The following THRB variants were observed in gnomAD, a reference collection of about 807,000 sequenced individuals.
THRB encodes the protein nuclear receptor subfamily 1 group A member 2.
In THRB, 12 loss-of-function variants were observed where a neutral mutation model predicts 47.8. That is an observed-to-expected ratio of 0.25 (90% CI 0.16 to 0.41). The LOEUF (loss-of-function observed/expected upper bound fraction) is 0.41. Among genes scored for constraint, THRB ranks in the 10% least tolerant of loss-of-function variants. The pLI is 1.00. For missense variants in THRB, 348 were observed against 589.2 expected, an observed-to-expected ratio of 0.59 and a Z score of 4.24; for synonymous variants, 218 against 212.2, an observed-to-expected ratio of 1.03 and a Z score of -0.24.
At chr3:24,364,898 T>G (rs566821276) in intron 1 of THRB, among the ~76,000 whole-genome samples, 1 of 152,286 alleles carries the variant, frequency 6.6e-6, no homozygotes, top group African/African-American at 2.4e-5. Flanking sequence ...TTACATAATT[T>G]TCAATAAGAT....
At chr3:24,313,275 T>G (rs548482884) in intron 2 of THRB, among the ~76,000 whole-genome samples, 8 of 152,308 alleles carry the variant, frequency 5.3e-5, no homozygotes, top group African/African-American at 1.9e-4. Context: ...CACTCATCTT[T>G]TCAGGAGTAT....
At chr3:24,484,728 T>C (rs1403925416) in intron 1 of THRB, among the ~76,000 whole-genome samples, 4 of 152,204 alleles carry the variant, frequency 2.6e-5, no homozygotes, top group Non-Finnish European at 5.9e-5. Flanking sequence ...TGTACTACAA[T>C]GGCAGACTTG....
At chr3:24,163,336 A>G (rs766445365) in intron 5 of THRB, among the ~76,000 whole-genome samples, 1 of 152,188 alleles carries the variant, frequency 6.6e-6, no homozygotes, top group Admixed American at 6.5e-5. Context: ...TATGCATACA[A>G]TGTGTCTTTT....
intron 3 of THRB, among the ~76,000 whole-genome samples, chr3:24,286,030 A>T (rs2055251139): frequency 6.6e-6 from 1 of 152,146 alleles, no homozygotes; most frequent in African/African-American, 2.4e-5. Context: ...AGATGGAGAG[A>T]TTTTGCTCTT....
chr3:24,170,042 C>T lies in THRB; in HGVS notation c.284-17552G>A, dbSNP rs558020747. Among the ~76,000 whole-genome samples the T allele has an allele frequency of 1.9e-4, 29 of 152,238 alleles. No homozygotes were observed. The East Asian group carries it at 4.3e-3, about 22-fold the overall frequency. Reference sequence around the variant, plus strand: ...GCAACATCCATGTGGATATCTCCATCGCAGATGTCACCTCTGAAACCAGGA... The same window carrying T: ...GCAACATCCATGTGGATATCTCCATTGCAGATGTCACCTCTGAAACCAGGA... On this transcript the variant is annotated intron_variant, in intron 5 of 10. Transcript: ENST00000646209.
At chr3:24,160,475 G>A (rs2038636261) in intron 5 of THRB, among the ~76,000 whole-genome samples, 1 of 152,164 alleles carries the variant, frequency 6.6e-6, no homozygotes, top group African/African-American at 2.4e-5. Flanking sequence ...TGCGGATAAG[G>A]AAAGCAGGTG....
chr3:24,255,695 A>G (rs1461647048), intron 3 of THRB, among the ~76,000 whole-genome samples: 1 of 152,226 alleles, frequency 6.6e-6, no homozygotes, highest in Non-Finnish European at 1.5e-5. Flanking sequence ...GTACAGGGTG[A>G]TAGATGGCTG....
At chr3:24,126,568 A>T (rs1399198470) in intron 10 of THRB, among the ~76,000 whole-genome samples, 1 of 152,208 alleles carries the variant, frequency 6.6e-6, no homozygotes, top group Admixed American at 6.5e-5. Context: ...TGTCCTCAAA[A>T]AAAAGAAGTC....
At chr3:24,372,463 T>C (rs758615782) in intron 1 of THRB, among the ~76,000 whole-genome samples, 9 of 152,096 alleles carry the variant, frequency 5.9e-5, no homozygotes, top group Non-Finnish European at 1.3e-4. Flanking sequence ...ATGCACAATA[T>C]GGAGTTCCCT....
At chr3:24,225,103 C>T (rs955757641) in intron 4 of THRB, among the ~76,000 whole-genome samples, 1 of 152,074 alleles carries the variant, frequency 6.6e-6, no homozygotes, top group African/African-American at 2.4e-5. Flanking sequence ...TGCAGAAATG[C>T]GAGTGGTGAA....
At chr3:24,379,801 T>C (rs1175174254) in intron 1 of THRB, among the ~76,000 whole-genome samples, 1 of 152,054 alleles carries the variant, frequency 6.6e-6, no homozygotes. Context: ...CTAATTCTTG[T>C]TCTCTTTAAA....
intron 1 of THRB, among the ~76,000 whole-genome samples, chr3:24,395,376 G>T (rs1297943461): frequency 6.6e-6 from 1 of 152,014 alleles, no homozygotes; most frequent in Non-Finnish European, 1.5e-5. Flanking sequence ...TATCTTATAA[G>T]AAATCTGTAT....
At chr3:24,369,045 T>C (rs531952823) in intron 1 of THRB, among the ~76,000 whole-genome samples, 1 of 152,166 alleles carries the variant, frequency 6.6e-6, no homozygotes, top group Non-Finnish European at 1.5e-5. Flanking sequence ...ATTATTTAAT[T>C]TTTTTGAGAT....
rs1388566045 is a variant in THRB at position 24,450,155 on chromosome 3, ATTAT to A, written c.-261+44493_-261+44496del. 7.0e-4 allele frequency among the ~76,000 whole-genome samples: 106 copies of A among 152,332 alleles called. 2 individuals carry two copies. The highest frequency in any genetic ancestry group is 6.6e-4 in the Non-Finnish European group (45 of 68,024). ...TTTATACAATTAAAAATCTCGTTTA[ATTAT>A]TTAAGAAAGAAAACTTCCACAGGTA... On this transcript the variant is annotated intron_variant, in intron 1 of 10. Coordinates refer to ENST00000646209, the MANE Select transcript of THRB (RefSeq NM_001354712.2).
At chr3:24,411,535 G>A (rs878993233) in intron 1 of THRB, among the ~76,000 whole-genome samples, 1 of 151,640 alleles carries the variant, frequency 6.6e-6, no homozygotes, top group South Asian at 2.1e-4. Context: ...TGGAAGGCTC[G>A]AGATCTACCC....
At chr3:24,182,114 T>C (rs1410426082) in intron 5 of THRB, among the ~76,000 whole-genome samples, 9 of 152,080 alleles carry the variant, frequency 5.9e-5, no homozygotes, top group Non-Finnish European at 1.0e-4. Context: ...GGCAGGAGAA[T>C]GGCGTGAACC....
At chr3:24,446,459 T>C (rs1055273612) in intron 1 of THRB, among the ~76,000 whole-genome samples, 1 of 152,028 alleles carries the variant, frequency 6.6e-6, no homozygotes, top group Non-Finnish European at 1.5e-5. Flanking sequence ...TGCTGGGTTA[T>C]TGTCAAAGGA....
chr3:24,335,841 T>C (rs2062214238), intron 2 of THRB, among the ~76,000 whole-genome samples: 1 of 152,216 alleles, frequency 6.6e-6, no homozygotes, highest in Non-Finnish European at 1.5e-5. Context: ...GGAGAATGCC[T>C]TGTAAAAAGA....
intron 1 of THRB, among the ~76,000 whole-genome samples, chr3:24,370,592 A>G (rs1337564033): frequency 6.6e-6 from 1 of 152,096 alleles, no homozygotes; most frequent in Non-Finnish European, 1.5e-5. Flanking sequence ...ATGCTCCACT[A>G]TTTCAGAACA....
Sources: gnomAD v4.1 joint callset for allele counts (sites outside exome capture counted in the v4.1 genomes callset) on GRCh38, gnomAD v4.1.1 for gene constraint, MANE v1.5 for transcripts, NCBI Gene and HGNC (gene_info 2026-07-23, HGNC 2026-07-21) for gene names.